Variants in MAP3K13 observed in about 807,000 individuals in gnomAD.
MAP3K13 encodes the protein mitogen-activated protein kinase kinase kinase 13, also known as leucine zipper-bearing kinase.
In MAP3K13, 52 loss-of-function variants were observed where a neutral mutation model predicts 104.0. That is an observed-to-expected ratio of 0.50 (90% CI 0.40 to 0.63). The LOEUF is 0.63. MAP3K13 is among the 20% of genes least tolerant of loss of function. The probability of loss-of-function intolerance (pLI) is 0.00; values close to 1 mark genes in which losing one functional copy is unlikely to be tolerated. For missense variants in MAP3K13, 914 were observed against 1,218.5 expected (o/e 0.75, Z 3.72); for synonymous variants, 394 against 442.2 (o/e 0.89, Z 1.37).
At chr3:185,455,352 T>TATATATATG (rs1716470032) in intron 7 of MAP3K13, among the ~76,000 whole-genome samples, 1 of 34,198 alleles carries the variant, frequency 2.9e-5, no homozygotes, top group African/African-American at 1.0e-4. Flanking sequence ...ATATATATGA[T>TATATATATG]ATATATATGA....
intron 1 of MAP3K13, among the ~76,000 whole-genome samples, chr3:185,411,330 T>C (rs972999689): frequency 2.1e-4 from 32 of 152,220 alleles, no homozygotes; most frequent in African/African-American, 7.2e-4. Flanking sequence ...ACCTCACAGT[T>C]TACTCATATG....
At chr3:185,297,958 A>T (rs1720976977) in intron 2 of MAP3K13, among the ~76,000 whole-genome samples, 5 of 151,312 alleles carry the variant, frequency 3.3e-5, no homozygotes, top group Non-Finnish European at 7.4e-5. Flanking sequence ...ATAGTTTCCT[A>T]ATTCTGTCTT....
intron 2 of MAP3K13, among the ~76,000 whole-genome samples, chr3:185,333,628 T>C (rs1722361474): frequency 6.6e-6 from 1 of 152,164 alleles, no homozygotes; most frequent in Non-Finnish European, 1.5e-5. Context: ...CACAGTGGGC[T>C]CAAGCCTGTA....
chr3:185,419,560 C>A (rs568762403), intron 1 of MAP3K13, among the ~76,000 whole-genome samples: 34 of 152,228 alleles, frequency 2.2e-4, no homozygotes, highest in African/African-American at 6.3e-4. Flanking sequence ...ACCTTTTAAA[C>A]ATAATTTCTT....
chr3:185,326,194 A>T (rs1441428548), intron 2 of MAP3K13, among the ~76,000 whole-genome samples: 2 of 152,116 alleles, frequency 1.3e-5, no homozygotes, highest in African/African-American at 4.8e-5. Flanking sequence ...GTCTTGTCAG[A>T]TGGATTCATT....
chr3:185,428,273 T>G (rs1397836446), intron 1 of MAP3K13, among the ~76,000 whole-genome samples: 1 of 152,176 alleles, frequency 6.6e-6, no homozygotes, highest in African/African-American at 2.4e-5. Flanking sequence ...TTGTATATAT[T>G]GTTCTAACCT....
At chr3:185,370,268 C>G (rs908668280) in intron 1 of MAP3K13, among the ~76,000 whole-genome samples, 1 of 152,144 alleles carries the variant, frequency 6.6e-6, no homozygotes, top group Non-Finnish European at 1.5e-5. Context: ...GATCTCAGCT[C>G]ACTGCAACCT....
At position 185,367,480 on chromosome 3, in the gene MAP3K13, A is replaced by G. The variant is rs148288281; in HGVS notation, c.-86+4112A>G. Among the ~76,000 whole-genome samples the G allele has an allele frequency of 5.7e-3, 875 of 152,376 alleles. 2 individuals carry two copies. The highest frequency in any genetic ancestry group is 7.6e-3 in the Non-Finnish European group (518 of 68,038). On this transcript the variant is annotated intron_variant, in intron 1 of 13. Transcript: ENST00000265026. ...GAAGAAAGGAAAATTAAGAAGATTC[A>G]TACCAGAAAGCTTGAGTTTTCTTGT...
At chr3:185,327,707 T>C (rs1722087586) in intron 2 of MAP3K13, among the ~76,000 whole-genome samples, 1 of 152,004 alleles carries the variant, frequency 6.6e-6, no homozygotes, top group African/African-American at 2.4e-5. Context: ...AGGTCAGGAG[T>C]TTGCGACCAG....
chr3:185,439,227 G>A (rs866931968), intron 3 of MAP3K13, among the ~76,000 whole-genome samples: 55 of 152,210 alleles, frequency 3.6e-4, no homozygotes, highest in African/African-American at 1.3e-3. Context: ...GAAGTACTTG[G>A]ATTCATTTCC....
intron 3 of MAP3K13, among the ~76,000 whole-genome samples, chr3:185,437,842 A>G (rs1715126567): frequency 6.6e-6 from 1 of 152,164 alleles, no homozygotes; most frequent in African/African-American, 2.4e-5. Context: ...AAGTATGTGC[A>G]AAGTACATGG....
chr3:185,368,826 G>A (rs566860799), intron 1 of MAP3K13, among the ~76,000 whole-genome samples: 20 of 152,130 alleles, frequency 1.3e-4, no homozygotes, highest in Non-Finnish European at 2.1e-4. Flanking sequence ...AGGCATGGTG[G>A]TGCATGCCTG....
At chr3:185,291,905 A>C (rs76018456) in intron 2 of MAP3K13, 1 of 338,600 alleles carries the variant, frequency 3.0e-6, no homozygotes, top group South Asian at 1.3e-4. Flanking sequence ...GTGCTTTCCA[A>C]AAAAAAAAAA....
intron 2 of MAP3K13, among the ~76,000 whole-genome samples, chr3:185,325,715 G>T (rs1321480861): frequency 3.9e-5 from 6 of 152,190 alleles, no homozygotes; most frequent in Non-Finnish European, 8.8e-5. Flanking sequence ...GTGTTCCCTT[G>T]TCAATCACAT....
At chr3:185,376,838 G>A (rs530770656) in intron 1 of MAP3K13, among the ~76,000 whole-genome samples, 64 of 152,226 alleles carry the variant, frequency 4.2e-4, no homozygotes, top group African/African-American at 1.5e-3. Flanking sequence ...ATTATGTCGA[G>A]ATAGGTAATG....
intron 1 of MAP3K13, among the ~76,000 whole-genome samples, chr3:185,398,315 C>A (rs1267206077): frequency 2.6e-5 from 4 of 152,090 alleles, no homozygotes; most frequent in African/African-American, 9.7e-5. Flanking sequence ...ATCAGATGCA[C>A]CAGAAAGAAA....
In MAP3K13 at chr3:185,455,092, ATGAGATATATG is replaced by A. The variant is rs1281885522; in HGVS notation, c.1278+3709_1278+3719del. Among the ~76,000 whole-genome samples, 5 of 112,534 alleles carry A rather than the reference ATGAGATATATG, an allele frequency of 4.4e-5. 1 individual carries two copies. Among genetic ancestry groups the A allele is most frequent in the African/African-American group, 6.6e-5 (2 of 30,432 alleles). The allele number at this position is 112,534 out of a possible 152,430, so 73.8% of individuals were successfully genotyped here. ...TATGAGATATATGTGAGATATATAT[ATGAGATATATG>A]TGAGATATATGAGATATATGTGAGA... On this transcript the variant is annotated intron_variant, in intron 7 of 13. Transcript: ENST00000265026.
chr3:185,353,322 A>T (rs1276192161), intron 2 of MAP3K13, among the ~76,000 whole-genome samples: 1 of 152,212 alleles, frequency 6.6e-6, no homozygotes, highest in African/African-American at 2.4e-5. Flanking sequence ...GGGATGGAAG[A>T]GGATTTATGG....
At chr3:185,381,283 A>G (rs1051652819) in intron 1 of MAP3K13, among the ~76,000 whole-genome samples, 3 of 152,184 alleles carry the variant, frequency 2.0e-5, no homozygotes, top group Non-Finnish European at 2.9e-5. Context: ...TTTCATGCAT[A>G]GAGTATTGAT....
Sources: gnomAD v4.1 joint callset for allele counts (sites outside exome capture counted in the v4.1 genomes callset) on GRCh38, gnomAD v4.1.1 for gene constraint, MANE v1.5 for transcripts, NCBI Gene and HGNC (gene_info 2026-07-23, HGNC 2026-07-21) for gene names.